Variants in RGMA observed in about 807,000 individuals in gnomAD.
RGMA encodes the protein repulsive guidance molecule A.
RGMA carries 10 observed loss-of-function variants against 23.2 expected under a neutral mutation model. The observed-to-expected ratio is 0.43, with a 90% CI of 0.27 to 0.73. The LOEUF is 0.73. Ranked by LOEUF, RGMA falls within the 30% of genes least tolerant of loss-of-function variation. RGMA has a pLI of 0.20. For synonymous variants in RGMA, 308 were observed against 279.3 expected, an observed-to-expected ratio of 1.10 and a Z score of -1.03; for missense variants, 547 against 630.5, an observed-to-expected ratio of 0.87 and a Z score of 1.42.
rs111706342 is a variant in RGMA, at chr15:93,088,053, G to C, written c.14+866C>G. Among the ~76,000 whole-genome samples, 49 of 152,164 alleles carry C rather than the reference G, an allele frequency of 3.2e-4. No individual in the cohort carries two copies. The Middle Eastern group carries it at 0.01, about 32-fold the overall frequency. ...GCGCTACTTCCCCTACTCCGCCCGCGAGACACCCAATTTATAAAATAAATA... is the reference window on the plus strand; with the variant it reads ...GCGCTACTTCCCCTACTCCGCCCGCCAGACACCCAATTTATAAAATAAATA... On this transcript the variant is annotated intron_variant, in intron 1 of 3. Transcript: ENST00000329082.
At chr15:93,071,557 G>A (rs763073875) in intron 2 of RGMA, among the ~76,000 whole-genome samples, 2 of 152,210 alleles carry the variant, frequency 1.3e-5, no homozygotes, top group Admixed American at 1.3e-4. Flanking sequence ...CAGTGGTTGA[G>A]TAAGCCGGAC....
intron 3 of RGMA, among the ~76,000 whole-genome samples, chr15:93,050,837 A>G (rs1243029692): frequency 6.6e-6 from 1 of 152,104 alleles, no homozygotes; most frequent in East Asian, 1.9e-4. Context: ...GTCCCCTCTG[A>G]AGCGTGCTGG....
rs550375516 is a variant in RGMA, at chr15:93,044,878, C to G, written c.*120G>C. On this transcript the variant is annotated 3_prime_UTR_variant, in exon 4 of 4. Coordinates refer to ENST00000329082, the MANE Select transcript of RGMA (RefSeq NM_020211.3). ...CCTGAGCCCTTGGCAGCAGGCGGTC[C>G]CTGGCGTTCTGCGGGGCCATGGTGG... 1.2e-4 allele frequency: 99 copies of G among 825,860 alleles called. 1 individual carries two copies. In the South Asian group the frequency reaches 1.6e-3, roughly 13 times the overall value. 51.2% of individuals were successfully genotyped at this position (825,860 alleles called of 1,614,324 possible).
At position 93,041,254 on chromosome 15, in the gene RGMA, G is replaced by C. The variant is rs561124681; in HGVS notation, c.*3744C>G. 1.3e-5 allele frequency: 2 copies of C among 151,548 alleles called. No individual in the cohort carries two copies. The highest frequency in any genetic ancestry group is 1.3e-4 in the Admixed American group (2 of 15,196). The allele number at this position is 151,548 out of a possible 1,614,324, so 9.4% of individuals were successfully genotyped here. A position where few individuals can be genotyped will look rare whatever the true frequency, so the allele number is the denominator to read the frequency against. On this transcript the variant is annotated 3_prime_UTR_variant, in exon 4 of 4. Transcript: ENST00000329082. Reference sequence around the variant, plus strand: ...TAGCTAAACAAGAACTCCAGTTCTCGGCAACACATCAGTGAGACAGGATGG... The same window carrying C: ...TAGCTAAACAAGAACTCCAGTTCTCCGCAACACATCAGTGAGACAGGATGG...
chr15:93,085,593 A>T (rs1484691711), intron 1 of RGMA, among the ~76,000 whole-genome samples: 1 of 152,274 alleles, frequency 6.6e-6, no homozygotes, highest in Non-Finnish European at 1.5e-5. Flanking sequence ...TAATCTGGAT[A>T]TAATCATTTC....
chr15:93,058,116 TA>T (rs2055043518), intron 2 of RGMA, among the ~76,000 whole-genome samples: 2 of 152,096 alleles, frequency 1.3e-5, no homozygotes, highest in African/African-American at 4.8e-5. Flanking sequence ...TGTTAATGAG[TA>T]AATGAAGAGA....
chr15:93,045,622 G>A lies in RGMA; in HGVS notation c.729C>T (p.Phe243=), dbSNP rs368618404. 4.5e-5 allele frequency: 73 copies of A among 1,612,790 alleles called. 1 individual carries two copies. The highest frequency in any genetic ancestry group is 4.2e-4 in the East Asian group (19 of 44,892). The part of the protein sequence containing the change: ...QAEMDELPAA[F]VDGSKNGGDK... ...CCCCACCGTTCTTAGAGCCATCCAC[G>A]AAGGCGGCCGGGAGCTCGTCCATCT... The change falls in exon 4 of 4, where the codon TTC becomes TTT. Residue 243 remains phenylalanine (F), a synonymous_variant. Coordinates refer to ENST00000329082, the MANE Select transcript of RGMA (RefSeq NM_020211.3). This position sits in a 1 kb window ranked among gnomAD's most constrained non-coding sequence, Gnocchi z 6.9.
chr15:93,088,314 A>G (rs1269917995), intron 1 of RGMA: 21 of 985,438 alleles, frequency 2.1e-5, no homozygotes, highest in Admixed American at 1.2e-4. Context: ...CCGGCGCTGA[A>G]TCGTCGCCGT....
chr15:93,072,475 T>C (rs1895360558), intron 2 of RGMA, among the ~76,000 whole-genome samples: 1 of 152,114 alleles, frequency 6.6e-6, no homozygotes, highest in African/African-American at 2.4e-5. Flanking sequence ...GGAACTCGGC[T>C]GGGACCTCAG....
chr15:93,048,787 G>A (rs1204800036), intron 3 of RGMA, among the ~76,000 whole-genome samples: 1 of 151,998 alleles, frequency 6.6e-6, no homozygotes, highest in Non-Finnish European at 1.5e-5. Flanking sequence ...GGCCGCCTGG[G>A]GGTGCCGGAG....
chr15:93,048,230 G>C (rs1367455708), intron 3 of RGMA, among the ~76,000 whole-genome samples: 1 of 152,208 alleles, frequency 6.6e-6, no homozygotes, highest in Non-Finnish European at 1.5e-5. Context: ...ATGAGGTGGG[G>C]AGAACTGGTA....
At chr15:93,065,554 T>C (rs757604452) in intron 2 of RGMA, 2 of 697,156 alleles carry the variant, frequency 2.9e-6, no homozygotes, top group Non-Finnish European at 5.3e-6. Context: ...AGATAGCAGA[T>C]GGCAGCTCTG....
intron 1 of RGMA, among the ~76,000 whole-genome samples, chr15:93,077,857 G>A (rs977436900): frequency 3.3e-5 from 5 of 152,264 alleles, no homozygotes; most frequent in Middle Eastern, 3.4e-3. Context: ...ACAGGCACAC[G>A]CCACCACACC....
chr15:93,083,233 G>C (rs1421260168), intron 1 of RGMA, among the ~76,000 whole-genome samples: 1 of 152,268 alleles, frequency 6.6e-6, no homozygotes, highest in Non-Finnish European at 1.5e-5. Context: ...TCATAGCATG[G>C]AAGAAGGTGA....
At position 93,042,986 on chromosome 15, in the gene RGMA, C is replaced by T. The variant is rs964306888; in HGVS notation, c.*2012G>A. ...GAGGGCACCATATGTCTCTCCACCA[C>T]ATAGTCACCTGTCTCCCTGACTGTG... On this transcript the variant is annotated 3_prime_UTR_variant, in exon 4 of 4. Transcript: ENST00000329082. 2 of 152,350 alleles carry T rather than the reference C, an allele frequency of 1.3e-5. No homozygotes were observed. Among genetic ancestry groups the T allele is most frequent in the Middle Eastern group, 3.4e-3 (1 of 294 alleles). The allele number at this position is 152,350 out of a possible 1,614,324, so 9.4% of individuals were successfully genotyped here.
At chr15:93,050,356 G>A (rs1047776264) in intron 3 of RGMA, among the ~76,000 whole-genome samples, 2 of 152,290 alleles carry the variant, frequency 1.3e-5, no homozygotes, top group Non-Finnish European at 2.9e-5. Flanking sequence ...CGTTCTCACC[G>A]GGGGACCACA....
intron 2 of RGMA, among the ~76,000 whole-genome samples, chr15:93,063,497 G>A (rs1895038911): frequency 6.6e-6 from 1 of 152,222 alleles, no homozygotes; most frequent in African/African-American, 2.4e-5. Context: ...GATGCCTGAG[G>A]CTGCCTGTTT....
intron 3 of RGMA, 108 bp downstream of exon 3, chr15:93,051,885 C>A (rs559803088): frequency 1.7e-6 from 2 of 1,198,738 alleles, no homozygotes; most frequent in Non-Finnish European, 1.2e-6. Context: ...CGCTCCGCTC[C>A]GTCTTCCCCC....
rs2054737022 is a variant in RGMA, at chr15:93,042,474, AG to A, written c.*2523del. On this transcript the variant is annotated 3_prime_UTR_variant, in exon 4 of 4. Coordinates refer to ENST00000329082, the MANE Select transcript of RGMA (RefSeq NM_020211.3). Reference sequence around the variant, plus strand: ...GGACAGGCACCCCCCCATCTTCCAGAGAACAGCATGCAGGCTCAGAGAGGTG... The same window carrying A: ...GGACAGGCACCCCCCCATCTTCCAGAAACAGCATGCAGGCTCAGAGAGGTG... 6.5e-6 allele frequency: 1 copy of A among 152,948 alleles called. No individual in the cohort carries two copies. Among genetic ancestry groups the A allele is most frequent in the Admixed American group, 6.5e-5 (1 of 15,290 alleles). The allele number at this position is 152,948 out of a possible 1,614,324, so 9.5% of individuals were successfully genotyped here.
Sources: gnomAD v4.1 joint callset for allele counts (sites outside exome capture counted in the v4.1 genomes callset) on GRCh38, gnomAD v4.1.1 for gene constraint, Gnocchi (gnomAD v3.1) non-coding constraint, MANE v1.5 for transcripts, NCBI Gene and HGNC (gene_info 2026-07-23, HGNC 2026-07-21) for gene names.